Variants in NALCN observed in about 807,000 individuals in gnomAD.
The protein encoded by NALCN is sodium leak channel NALCN.
NALCN carries 111 observed loss-of-function variants against 225.3 expected under a neutral mutation model. That is an observed-to-expected ratio of 0.49 (90% CI 0.42 to 0.58). The LOEUF is 0.58. Among genes scored for constraint, NALCN ranks in the 20% least tolerant of loss-of-function variants. NALCN has a pLI of 0.00. For synonymous variants in NALCN, 764 were observed against 769.0 expected, an observed-to-expected ratio of 0.99 and a Z score of 0.11; for missense variants, 1,378 against 2,202.4, an observed-to-expected ratio of 0.63 and a Z score of 7.49.
intron 10 of NALCN, among the ~76,000 whole-genome samples, chr13:101,271,161 C>T (rs1261767189): frequency 6.6e-6 from 1 of 152,040 alleles, no homozygotes; most frequent in Non-Finnish European, 1.5e-5. Flanking sequence ...AGAAGCAAAA[C>T]TGTTTAATTG....
intron 39 of NALCN, 124 bp from the exon 40 acceptor site, chr13:101,065,685 A>G (rs1205694075): frequency 3.3e-5 from 40 of 1,194,498 alleles, no homozygotes; most frequent in Non-Finnish European, 2.4e-5. Flanking sequence ...AGATGTGAAG[A>G]AAGCTGGTCA....
chr13:101,225,556 G>T (rs576462649), intron 13 of NALCN, among the ~76,000 whole-genome samples: 1 of 152,284 alleles, frequency 6.6e-6, no homozygotes, highest in African/African-American at 2.4e-5. Context: ...AAAAGATATA[G>T]CCCAAAGCCT....
intron 41 of NALCN, among the ~76,000 whole-genome samples, chr13:101,061,042 A>C (rs1418431199): frequency 6.6e-6 from 1 of 152,200 alleles, no homozygotes; most frequent in Non-Finnish European, 1.5e-5. Flanking sequence ...TTATATATAA[A>C]TGTTTAGTGA....
intron 15 of NALCN, 32 bp downstream of exon 15, chr13:101,176,267 CT>C: frequency 2.0e-6 from 3 of 1,467,098 alleles, no homozygotes; most frequent in South Asian, 1.5e-5. Context: ...GTTTTTTGTC[CT>C]TTTTAAAAAA....
intron 17 of NALCN, among the ~76,000 whole-genome samples, chr13:101,127,066 A>G (rs981207779): frequency 1.3e-5 from 2 of 152,198 alleles, no homozygotes; most frequent in African/African-American, 4.8e-5. Flanking sequence ...TCTTTCCTTC[A>G]GTGGAAGATG....
At chr13:101,099,194 A>C (rs1050729510) in intron 27 of NALCN, among the ~76,000 whole-genome samples, 27 of 152,054 alleles carry the variant, frequency 1.8e-4, no homozygotes, top group African/African-American at 5.3e-4. Flanking sequence ...TTGTGGATGA[A>C]TGCGTCAGGT....
At chr13:101,271,608 TGTGA>T (rs1377613765) in intron 10 of NALCN, among the ~76,000 whole-genome samples, 1 of 152,100 alleles carries the variant, frequency 6.6e-6, no homozygotes, top group East Asian at 1.9e-4. Context: ...TGCGCCTGTG[TGTGA>T]GTGTATGTGT....
rs184362167 is a variant in NALCN, at chr13:101,167,912, C to T, written c.1839+8388G>A. Among the ~76,000 whole-genome samples, 522 of 150,840 alleles carry T rather than the reference C, an allele frequency of 3.5e-3. 3 individuals are homozygous for T. Among genetic ancestry groups the T allele is most frequent in the Non-Finnish European group, 6.3e-3 (426 of 67,786 alleles). On this transcript the variant is annotated intron_variant, in intron 15 of 43. Coordinates refer to ENST00000251127, the MANE Select transcript of NALCN (RefSeq NM_052867.4). ...TTCATCTTTATTTGTGGCTTAAGTT[C>T]TTTCCTCAGTATTTTATAGTTTTCA...
chr13:101,210,918 A>C (rs1406349471), intron 13 of NALCN, among the ~76,000 whole-genome samples: 2 of 152,192 alleles, frequency 1.3e-5, no homozygotes, highest in Admixed American at 1.3e-4. Context: ...TGAGAGACTG[A>C]CAATAGAGTC....
At chr13:101,367,790 C>T (rs867882790) in intron 6 of NALCN, among the ~76,000 whole-genome samples, 1 of 151,848 alleles carries the variant, frequency 6.6e-6, no homozygotes, top group African/African-American at 2.4e-5. Flanking sequence ...TATGTAAAAA[C>T]AATAATTTTA....
At chr13:101,101,287 T>TTA (rs1417482382) in intron 26 of NALCN, among the ~76,000 whole-genome samples, 4 of 141,756 alleles carry the variant, frequency 2.8e-5, no homozygotes, top group African/African-American at 1.0e-4. Flanking sequence ...TTTTCTTTTT[T>TTA]TTTTTTTTTT....
intron 6 of NALCN, among the ~76,000 whole-genome samples, chr13:101,349,397 C>A (rs1215761354): frequency 1.3e-5 from 2 of 152,016 alleles, no homozygotes; most frequent in East Asian, 1.9e-4. Flanking sequence ...ACATATGGAA[C>A]CTGTGAGTAG....
At chr13:101,166,745 T>G (rs1179202179) in intron 15 of NALCN, among the ~76,000 whole-genome samples, 1 of 152,222 alleles carries the variant, frequency 6.6e-6, no homozygotes, top group African/African-American at 2.4e-5. Context: ...TAATGCAGTC[T>G]CCTATTTTTG....
At chr13:101,341,730 C>T (rs2045564909) in intron 7 of NALCN, among the ~76,000 whole-genome samples, 1 of 152,088 alleles carries the variant, frequency 6.6e-6, no homozygotes, top group Admixed American at 6.5e-5. Context: ...TGGGGAGGAA[C>T]AGGGTAATGT....
intron 4 of NALCN, 93 bp from the exon 5 acceptor site, chr13:101,377,149 G>A (rs2046717971): frequency 1.4e-6 from 2 of 1,474,310 alleles, no homozygotes; most frequent in African/African-American, 1.4e-5. Context: ...ATAAGTAGGT[G>A]CACCTCTACT....
chr13:101,157,563 G>A (rs1271236061), intron 15 of NALCN, among the ~76,000 whole-genome samples: 4 of 152,016 alleles, frequency 2.6e-5, no homozygotes, highest in African/African-American at 9.7e-5. Flanking sequence ...TAGGAAAGTT[G>A]GATTATAAAT....
intron 13 of NALCN, among the ~76,000 whole-genome samples, chr13:101,218,432 G>A (rs568882101): frequency 2.0e-5 from 3 of 152,226 alleles, no homozygotes; most frequent in African/African-American, 4.8e-5. Context: ...TGTATCTTAC[G>A]GCTTCTGGTG....
intron 12 of NALCN, among the ~76,000 whole-genome samples, chr13:101,231,159 A>C (rs934749755): frequency 6.6e-6 from 1 of 152,118 alleles, no homozygotes; most frequent in East Asian, 1.9e-4. Context: ...ATTTCTCAAA[A>C]TGTATCTCTG....
At chr13:101,321,855 C>T (rs564141484) in intron 7 of NALCN, among the ~76,000 whole-genome samples, 13 of 151,918 alleles carry the variant, frequency 8.6e-5, no homozygotes, top group African/African-American at 1.7e-4. Flanking sequence ...TTGGAGATAC[C>T]GGAGAGAGGA....
Sources: gnomAD v4.1 joint callset for allele counts (sites outside exome capture counted in the v4.1 genomes callset) on GRCh38, gnomAD v4.1.1 for gene constraint, MANE v1.5 for transcripts, NCBI Gene and HGNC (gene_info 2026-07-23, HGNC 2026-07-21) for gene names.